TAFA5: variants seen among roughly 807,000 people sequenced by gnomAD.
TAFA5 encodes the protein TAFA chemokine like family member 5, also known as chemokine-like protein TAFA-5.
In TAFA5, 6 loss-of-function variants were observed where a neutral mutation model predicts 15.3. That is an observed-to-expected ratio of 0.39 (90% CI 0.21 to 0.77). TAFA5 has a LOEUF of 0.77. Ranked by LOEUF, TAFA5 falls within the 30% of genes least tolerant of loss-of-function variation. TAFA5 has a pLI of 0.41. For synonymous variants in TAFA5, 103 were observed against 80.7 expected (o/e 1.28, Z -1.48); for missense variants, 161 against 193.1 (o/e 0.83, Z 0.98).
intron 2 of TAFA5, among the ~76,000 whole-genome samples, chr22:48,676,111 C>T (rs1255960880): frequency 2.0e-5 from 3 of 152,278 alleles, no homozygotes; most frequent in Non-Finnish European, 4.4e-5. Context: ...GGCTCACAGG[C>T]AGCCTCCCTG....
chr22:48,641,352 T>C (rs936975377), intron 1 of TAFA5, among the ~76,000 whole-genome samples: 24 of 152,118 alleles, frequency 1.6e-4, no homozygotes, highest in Non-Finnish European at 2.8e-4. Flanking sequence ...AAAGTCAAAT[T>C]TGGGGATGTG....
intron 2 of TAFA5, among the ~76,000 whole-genome samples, chr22:48,688,102 GT>G (rs130111): frequency 0.24 from 36,272 of 150,334 alleles, 4,553 homozygotes; most frequent in Non-Finnish European, 0.28. Context: ...GTGTTTTGGG[GT>G]TTTTTTTTCC....
chr22:48,551,989 AGGCAGTGCT>A lies in TAFA5; in HGVS notation c.112+62289_112+62297del, dbSNP rs1408499000. ...ATTGAGAGCACGGGCTCCTGCGGGA[AGGCAGTGCT>A]GGCCCCACGCCCTGCGATGGCCGTT... On this transcript the variant is annotated intron_variant, in intron 1 of 3. Coordinates refer to ENST00000402357, the MANE Select transcript of TAFA5 (RefSeq NM_001082967.3). Among the ~76,000 whole-genome samples, 13 of 152,182 alleles carry A rather than the reference AGGCAGTGCT, an allele frequency of 8.5e-5. No homozygotes were observed. In the East Asian group the frequency reaches 2.5e-3, roughly 29 times the overall value.
chr22:48,565,643 A>G (rs2147134947), intron 1 of TAFA5, among the ~76,000 whole-genome samples: 1 of 152,300 alleles, frequency 6.6e-6, no homozygotes, highest in South Asian at 2.1e-4. Context: ...CTACCACGTT[A>G]GAGCTCTGCC....
intron 1 of TAFA5, among the ~76,000 whole-genome samples, chr22:48,553,197 G>C (rs2147127597): frequency 6.6e-6 from 1 of 152,190 alleles, no homozygotes; most frequent in South Asian, 2.1e-4. Flanking sequence ...GAGCCCTCCT[G>C]GACCACCTTG....
In TAFA5 at chr22:48,635,403, GC is replaced by G. The variant is rs555595931; in HGVS notation, c.113-11192del. 2.4e-3 allele frequency among the ~76,000 whole-genome samples: 358 copies of G among 152,324 alleles called. 2 individuals are homozygous for G. The highest frequency in any genetic ancestry group is 8.1e-3 in the African/African-American group (338 of 41,586). On this transcript the variant is annotated intron_variant, in intron 1 of 3. Coordinates refer to ENST00000402357, the MANE Select transcript of TAFA5 (RefSeq NM_001082967.3). ...CAGGGCAAGCACAGGCTGACCTCCAGCCACTCTGCCTTCCTGGCCGCCTCTA... is the reference window on the plus strand; with the variant it reads ...CAGGGCAAGCACAGGCTGACCTCCAGCACTCTGCCTTCCTGGCCGCCTCTA...
rs183741488 is a variant in TAFA5, at chr22:48,550,128, G to C, written c.112+60424G>C. ...AAGCTGGGAACTTTGGGGTATGCTG[G>C]GCATGGGTGTAGCAGCCTGTGTGTG... On this transcript the variant is annotated intron_variant, in intron 1 of 3. Transcript: ENST00000402357. This position sits in a 1 kb window ranked among gnomAD's most constrained non-coding sequence, Gnocchi z 4.1. Among the ~76,000 whole-genome samples, 1 of 152,222 alleles carries C rather than the reference G, an allele frequency of 6.6e-6. No individual in the cohort carries two copies. Among genetic ancestry groups the C allele is most frequent in the Admixed American group, 6.5e-5 (1 of 15,288 alleles).
intron 1 of TAFA5, chr22:48,544,004 A>G (rs1433723085): frequency 6.6e-6 from 1 of 152,018 alleles, no homozygotes; most frequent in Non-Finnish European, 1.5e-5. Flanking sequence ...GGCAGCCCAC[A>G]CCATGGATGT....
intron 1 of TAFA5, among the ~76,000 whole-genome samples, chr22:48,491,330 A>T (rs915575169): frequency 1.3e-5 from 2 of 152,160 alleles, no homozygotes; most frequent in Non-Finnish European, 2.9e-5. Flanking sequence ...CTCTGTGCGG[A>T]AGAGGAGGCA....
intron 3 of TAFA5, among the ~76,000 whole-genome samples, chr22:48,747,766 G>A (rs543767808): frequency 2.0e-5 from 3 of 152,086 alleles, no homozygotes; most frequent in South Asian, 2.1e-4. Context: ...GCATGGAGGC[G>A]CATGCCTGTA....
intron 1 of TAFA5, among the ~76,000 whole-genome samples, chr22:48,499,278 C>T (rs1178168767): frequency 1.3e-5 from 2 of 152,208 alleles, no homozygotes; most frequent in African/African-American, 2.4e-5. Context: ...CCCGCACCGA[C>T]GGCGGCGCCC....
intron 1 of TAFA5, chr22:48,576,460 C>A (rs1923806411): frequency 4.3e-6 from 6 of 1,400,702 alleles, no homozygotes; most frequent in African/African-American, 1.5e-5. Context: ...TCGGGGGCGT[C>A]GGCCGAGTTG....
Position 48,655,839 on chromosome 22 carries a change from T to G in TAFA5, c.262+9093T>G, listed in dbSNP as rs866292393. 2.9e-3 allele frequency among the ~76,000 whole-genome samples: 274 copies of G among 93,624 alleles called. 1 individual carries two copies. The highest frequency in any genetic ancestry group is 4.7e-3 in the South Asian group (13 of 2,776). The allele number at this position is 93,624 out of a possible 152,430, so 61.4% of individuals were successfully genotyped here. A position where few individuals can be genotyped will look rare whatever the true frequency, so the allele number is the denominator to read the frequency against. On this transcript the variant is annotated intron_variant, in intron 2 of 3. Coordinates refer to ENST00000402357, the MANE Select transcript of TAFA5 (RefSeq NM_001082967.3). ...AAGCCAAACACTGATTCTTTTTTTT[T>G]TTTTTTTTTTTTTTTTTTGAGACAG...
At chr22:48,535,963 G>C (rs1370594214) in intron 1 of TAFA5, among the ~76,000 whole-genome samples, 1 of 152,202 alleles carries the variant, frequency 6.6e-6, no homozygotes, top group African/African-American at 2.4e-5. Context: ...ATTTGCACAG[G>C]CACGCGTATG....
intron 1 of TAFA5, among the ~76,000 whole-genome samples, chr22:48,620,658 C>T (rs112497507): frequency 3.4e-5 from 2 of 59,274 alleles, no homozygotes. Flanking sequence ...CACCATCCAC[C>T]ATCCATCCAC....
chr22:48,602,483 G>A (rs1021876880), intron 1 of TAFA5, among the ~76,000 whole-genome samples: 1 of 152,192 alleles, frequency 6.6e-6, no homozygotes, highest in Non-Finnish European at 1.5e-5. Flanking sequence ...ATCCGTGGAG[G>A]TGGGTCCATC....
At chr22:48,585,826 C>G (rs1924336336) in intron 1 of TAFA5, among the ~76,000 whole-genome samples, 1 of 152,202 alleles carries the variant, frequency 6.6e-6, no homozygotes, top group South Asian at 2.1e-4. Flanking sequence ...CGCAGAAACA[C>G]ACCCCCACAC....
chr22:48,656,044 A>G (rs1259721435), intron 2 of TAFA5, among the ~76,000 whole-genome samples: 4 of 151,114 alleles, frequency 2.6e-5, no homozygotes, highest in African/African-American at 9.7e-5. Context: ...GGGTTTCATC[A>G]TGTTGGCCAG....
At chr22:48,546,761 T>G in intron 1 of TAFA5, 1 of 360,070 alleles carries the variant, frequency 2.8e-6, no homozygotes, top group Non-Finnish European at 5.6e-6. Context: ...CTGGAAAGGC[T>G]CACTAGGCCA....
Sources: gnomAD v4.1 joint callset for allele counts (sites outside exome capture counted in the v4.1 genomes callset) on GRCh38, gnomAD v4.1.1 for gene constraint, Gnocchi (gnomAD v3.1) non-coding constraint, MANE v1.5 for transcripts, NCBI Gene and HGNC (gene_info 2026-07-23, HGNC 2026-07-21) for gene names.